Variants in ZNF438 observed in about 807,000 individuals in gnomAD.
ZNF438 encodes zinc finger protein 438.
Under a neutral mutation model 38.0 loss-of-function variants are expected in ZNF438, and 25 were observed. The ratio of observed to expected loss-of-function variants is 0.66; its 90% confidence interval spans 0.48 to 0.92. ZNF438 has a LOEUF of 0.92. ZNF438 is among the 40% of genes least tolerant of loss of function. ZNF438 has a pLI of 0.00. For missense variants in ZNF438, 1,007 were observed against 999.6 expected (o/e 1.01, Z -0.10); for synonymous variants, 372 against 364.1 (o/e 1.02, Z -0.25).
At chr10:30,936,861 C>G (rs1263751646) in intron 2 of ZNF438, among the ~76,000 whole-genome samples, 1 of 151,962 alleles carries the variant, frequency 6.6e-6, no homozygotes, top group African/African-American at 2.4e-5. Flanking sequence ...CACGTCAAAC[C>G]TTTATGCTTT....
At chr10:30,932,186 C>A (rs954771501) in intron 2 of ZNF438, among the ~76,000 whole-genome samples, 4 of 152,044 alleles carry the variant, frequency 2.6e-5, no homozygotes, top group African/African-American at 4.8e-5. Context: ...AAAGAGTGAG[C>A]AGGCTAACAT....
intron 2 of ZNF438, among the ~76,000 whole-genome samples, chr10:30,922,586 C>A (rs889771888): frequency 6.6e-6 from 1 of 152,188 alleles, no homozygotes. Flanking sequence ...GTAATCCCAG[C>A]ACTTTGGGAG....
chr10:30,973,802 T>A (rs980493456), intron 1 of ZNF438, among the ~76,000 whole-genome samples: 1 of 152,188 alleles, frequency 6.6e-6, no homozygotes, highest in Non-Finnish European at 1.5e-5. Context: ...AGAGTCACCC[T>A]TTGCTGCATA....
At chr10:30,944,332 T>C (rs2047136591) in intron 1 of ZNF438, among the ~76,000 whole-genome samples, 1 of 152,214 alleles carries the variant, frequency 6.6e-6, no homozygotes, top group Non-Finnish European at 1.5e-5. Flanking sequence ...GTGTACTCTT[T>C]TACCTAGTTT....
chr10:30,854,597 A>C (rs1297682654), intron 4 of ZNF438, among the ~76,000 whole-genome samples: 1 of 152,266 alleles, frequency 6.6e-6, no homozygotes, highest in Non-Finnish European at 1.5e-5. Flanking sequence ...TTAAAAAAGA[A>C]ACAGAGGATA....
intron 4 of ZNF438, among the ~76,000 whole-genome samples, chr10:30,863,974 C>T (rs2036004956): frequency 6.6e-6 from 1 of 152,180 alleles, no homozygotes; most frequent in Non-Finnish European, 1.5e-5. Flanking sequence ...CTAAGAGACT[C>T]TTGGCGGCCC....
intron 1 of ZNF438, among the ~76,000 whole-genome samples, chr10:31,009,357 T>G (rs1002136579): frequency 1.1e-4 from 16 of 152,158 alleles, no homozygotes; most frequent in Non-Finnish European, 7.3e-5. Flanking sequence ...TCCATTAATT[T>G]AAAAGAGCCA....
Position 30,874,147 on chromosome 10 carries a change from T to C in ZNF438, c.37+2851A>G, listed in dbSNP as rs58255394. Reference sequence around the variant, plus strand: ...ATATATATATATATATATATATATATATATATATATATATATTTAGAGACA... The same window carrying C: ...ATATATATATATATATATATATATACATATATATATATATATTTAGAGACA... On this transcript the variant is annotated intron_variant, in intron 4 of 5. Coordinates refer to ENST00000413025, the Ensembl canonical transcript of ZNF438. Among the ~76,000 whole-genome samples the C allele has an allele frequency of 2.1e-4, 16 of 76,826 alleles. 1 individual carries two copies. The highest frequency in any genetic ancestry group is 9.2e-4 in the African/African-American group (12 of 12,994). 50.4% of individuals were successfully genotyped at this position (76,826 alleles called of 152,430 possible).
At chr10:30,912,999 A>T (rs1162850683) in intron 2 of ZNF438, among the ~76,000 whole-genome samples, 1 of 152,004 alleles carries the variant, frequency 6.6e-6, no homozygotes, top group East Asian at 1.9e-4. Context: ...TTAAGGATTA[A>T]ATCTGTTATC....
chr10:30,989,615 A>G (rs2053250256), intron 1 of ZNF438, among the ~76,000 whole-genome samples: 1 of 152,184 alleles, frequency 6.6e-6, no homozygotes, highest in Non-Finnish European at 1.5e-5. Flanking sequence ...AGACATCTCC[A>G]GTCCTAAATG....
At chr10:30,853,256 C>G (rs2034014592) in intron 4 of ZNF438, among the ~76,000 whole-genome samples, 1 of 152,182 alleles carries the variant, frequency 6.6e-6, no homozygotes, top group Non-Finnish European at 1.5e-5. Flanking sequence ...CTTAGTAATT[C>G]ACCCTCTTGA....
intron 2 of ZNF438, among the ~76,000 whole-genome samples, chr10:30,928,783 T>C (rs1485923787): frequency 2.6e-5 from 4 of 152,122 alleles, no homozygotes; most frequent in Non-Finnish European, 5.9e-5. Flanking sequence ...AAACCCCTCA[T>C]CTCGTGGAGT....
chr10:30,937,709 C>T (rs373353544), intron 2 of ZNF438, among the ~76,000 whole-genome samples: 18 of 152,286 alleles, frequency 1.2e-4, no homozygotes, highest in Admixed American at 3.9e-4. Flanking sequence ...TCACCAGCTC[C>T]CACACATCTA....
intron 1 of ZNF438, among the ~76,000 whole-genome samples, chr10:31,031,201 C>T (rs1222001896): frequency 3.9e-5 from 6 of 152,224 alleles, no homozygotes; most frequent in African/African-American, 1.4e-4. Flanking sequence ...TACCACATTC[C>T]TCAGAATAAC....
chr10:30,845,890 G>T (rs150148643), intron 5 of ZNF438, among the ~76,000 whole-genome samples: 269 of 152,320 alleles, frequency 1.8e-3, no homozygotes, highest in African/African-American at 6.0e-3. Flanking sequence ...GAAGAGTCAC[G>T]TAAGAGCGCG....
At chr10:30,877,522 T>C (rs759202903) in intron 3 of ZNF438, among the ~76,000 whole-genome samples, 25 of 152,210 alleles carry the variant, frequency 1.6e-4, no homozygotes, top group Admixed American at 7.2e-4. Flanking sequence ...ACATAAAAAA[T>C]GTTAATGATG....
At chr10:30,922,171 T>A (rs1431923315) in intron 2 of ZNF438, among the ~76,000 whole-genome samples, 1 of 152,160 alleles carries the variant, frequency 6.6e-6, no homozygotes, top group African/African-American at 2.4e-5. Context: ...ATACTCTTAT[T>A]AGTGTTAAAG....
chr10:30,908,570 G>T (rs180757606), intron 3 of ZNF438, among the ~76,000 whole-genome samples: 241 of 152,272 alleles, frequency 1.6e-3, no homozygotes, highest in Middle Eastern at 0.01. Flanking sequence ...AGGAGAGCAA[G>T]GTAGGAAATG....
At chr10:31,022,381 C>T (rs2056659608) in intron 1 of ZNF438, among the ~76,000 whole-genome samples, 1 of 152,132 alleles carries the variant, frequency 6.6e-6, no homozygotes, top group Admixed American at 6.5e-5. Context: ...CCTGCCTCAG[C>T]CTCTCAAGTA....
Sources: allele counts gnomAD v4.1 joint callset (sites outside exome capture counted in the v4.1 genomes callset), GRCh38; gene constraint gnomAD v4.1.1; transcripts MANE v1.5; gene names NCBI Gene and HGNC (gene_info 2026-07-23, HGNC 2026-07-21).